AFF3: variants seen among roughly 807,000 people sequenced by gnomAD.
The protein encoded by AFF3 is AF4/FMR2 family member 3.
A neutral mutation model predicts 129.7 loss-of-function variants in AFF3; 32 were observed. The ratio of observed to expected loss-of-function variants is 0.25; its 90% CI spans 0.19 to 0.33. The LOEUF is 0.33. AFF3 is among the 10% of genes least tolerant of loss of function. The pLI is 1.00. For missense variants in AFF3, 1,373 were observed against 1,592.0 expected (o/e 0.86, Z 2.34); for synonymous variants, 644 against 635.4 (o/e 1.01, Z -0.20).
rs569283450 is a variant in AFF3, at chr2:99,558,849, A to C, written c.3285+26T>G. On this transcript the variant is annotated intron_variant, in intron 22 of 24. Transcript: ENST00000672756. ...AGGGAGACAAGTGAAATTAAGGAACAATTCTGCTCATTCACTAGACAGTAC... is the reference window on the plus strand; with the variant it reads ...AGGGAGACAAGTGAAATTAAGGAACCATTCTGCTCATTCACTAGACAGTAC... 8.7e-6 allele frequency: 14 copies of C among 1,603,354 alleles called. No homozygotes were observed. In the South Asian group the frequency reaches 1.5e-4, roughly 18 times the overall value.
At chr2:99,923,743 A>C (rs1696028011) in intron 7 of AFF3, among the ~76,000 whole-genome samples, 1 of 152,198 alleles carries the variant, frequency 6.6e-6, no homozygotes. Flanking sequence ...TTGGTTTCTT[A>C]CATTTAAAGA....
At chr2:100,022,429 G>A (rs1683664410) in intron 4 of AFF3, among the ~76,000 whole-genome samples, 1 of 151,512 alleles carries the variant, frequency 6.6e-6, no homozygotes, top group African/African-American at 2.4e-5. Flanking sequence ...TTTTTCGGGG[G>A]AGACAGAGTC....
At chr2:99,592,613 C>A (rs918899090) in intron 15 of AFF3, among the ~76,000 whole-genome samples, 4 of 152,198 alleles carry the variant, frequency 2.6e-5, no homozygotes, top group African/African-American at 9.7e-5. Context: ...TGCAGTGGGA[C>A]AAGGCTTAAT....
intron 11 of AFF3, among the ~76,000 whole-genome samples, chr2:99,720,006 CAGCCTGGGTGACAG>C (rs1678747433): frequency 6.6e-6 from 1 of 152,190 alleles, no homozygotes; most frequent in Non-Finnish European, 1.5e-5. Flanking sequence ...CAATGCACTC[CAGCCTGGGTGACAG>C]AGCGAGACTC....
chr2:99,618,602 T>C (rs1681685521), intron 13 of AFF3, among the ~76,000 whole-genome samples: 1 of 152,222 alleles, frequency 6.6e-6, no homozygotes, highest in African/African-American at 2.4e-5. Context: ...TATTATTCTT[T>C]AATTTTTATT....
chr2:100,052,661 G>C (rs1686439386), intron 4 of AFF3, among the ~76,000 whole-genome samples: 1 of 152,152 alleles, frequency 6.6e-6, no homozygotes, highest in African/African-American at 2.4e-5. Flanking sequence ...CCTGGGTTTA[G>C]AGATTGTGAT....
chr2:99,738,855 GTACTT>G (rs1490933260), intron 10 of AFF3, among the ~76,000 whole-genome samples: 1 of 152,012 alleles, frequency 6.6e-6, no homozygotes, highest in African/African-American at 2.4e-5. Context: ...ATAAAGCACT[GTACTT>G]TAGGTGTATA....
intron 12 of AFF3, among the ~76,000 whole-genome samples, chr2:99,665,437 G>T (rs1042053869): frequency 1.3e-5 from 2 of 152,236 alleles, no homozygotes; most frequent in African/African-American, 4.8e-5. Flanking sequence ...TCAAGGATGA[G>T]TCTGAAGTTT....
intron 4 of AFF3, among the ~76,000 whole-genome samples, chr2:100,052,943 C>T (rs1480029475): frequency 6.6e-6 from 1 of 152,142 alleles, no homozygotes; most frequent in Non-Finnish European, 1.5e-5. Context: ...AGTGAAGCAA[C>T]TAATTCCTGA....
intron 4 of AFF3, among the ~76,000 whole-genome samples, chr2:100,076,802 G>A (rs1814009): frequency 0.2 from 29,777 of 152,218 alleles, 3,739 homozygotes; most frequent in Admixed American, 0.33. Flanking sequence ...TTTCCAGAGA[G>A]GGAAGTGTGG....
chr2:99,769,234 C>A (rs1683269355), intron 8 of AFF3, among the ~76,000 whole-genome samples: 1 of 152,142 alleles, frequency 6.6e-6, no homozygotes, highest in South Asian at 2.1e-4. Context: ...AGCCTGTCTT[C>A]AAGCTCACTA....
At chr2:100,135,932 C>T (rs934097437) in intron 1 of AFF3, among the ~76,000 whole-genome samples, 1 of 151,988 alleles carries the variant, frequency 6.6e-6, no homozygotes, top group African/African-American at 2.4e-5. Context: ...TTTCAAAGAA[C>T]ACACAGATGG....
chr2:99,613,963 CA>C (rs1490067364), intron 13 of AFF3, among the ~76,000 whole-genome samples: 1 of 152,094 alleles, frequency 6.6e-6, no homozygotes, highest in Non-Finnish European at 1.5e-5. Flanking sequence ...CACTTAGGTC[CA>C]AAAATAAACA....
At chr2:100,068,777 A>G (rs1165960091) in intron 4 of AFF3, among the ~76,000 whole-genome samples, 1 of 152,258 alleles carries the variant, frequency 6.6e-6, no homozygotes, top group East Asian at 1.9e-4. Context: ...ATTAGTAAAG[A>G]TGATGGACAA....
intron 11 of AFF3, among the ~76,000 whole-genome samples, chr2:99,716,425 C>T (rs1678389640): frequency 6.6e-6 from 1 of 152,084 alleles, no homozygotes; most frequent in South Asian, 2.1e-4. Context: ...AACACAGGGA[C>T]ATTAGTTCGC....
intron 11 of AFF3, among the ~76,000 whole-genome samples, chr2:99,691,903 C>G (rs553230388): frequency 6.6e-6 from 1 of 152,312 alleles, no homozygotes; most frequent in South Asian, 2.1e-4. Context: ...TAACAGAGGT[C>G]TTGTTCACAA....
chr2:99,829,086 T>C (rs908582318), intron 8 of AFF3, among the ~76,000 whole-genome samples: 1 of 152,172 alleles, frequency 6.6e-6, no homozygotes, highest in African/African-American at 2.4e-5. Flanking sequence ...CTACAGCACA[T>C]TTCTGATCAC....
intron 19 of AFF3, 121 bp from the exon 20 acceptor site, chr2:99,565,744 T>C: frequency 8.9e-7 from 1 of 1,124,042 alleles, no homozygotes; most frequent in Non-Finnish European, 1.3e-6. Flanking sequence ...CCTATGAAGC[T>C]GAGAGAAGAA....
At chr2:100,110,325 C>G (rs950869183) in intron 2 of AFF3, 1 of 152,164 alleles carries the variant, frequency 6.6e-6, no homozygotes, top group Non-Finnish European at 1.5e-5. Context: ...AACAGGAGTG[C>G]TGTGCTATCT....
Sources: allele counts gnomAD v4.1 joint callset (sites outside exome capture counted in the v4.1 genomes callset), GRCh38; gene constraint gnomAD v4.1.1; transcripts MANE v1.5; gene names NCBI Gene and HGNC (gene_info 2026-07-23, HGNC 2026-07-21).